Variants in SORCS2 observed in about 807,000 individuals in gnomAD.
SORCS2 encodes sortilin related VPS10 domain containing receptor 2, also known as VPS10 domain-containing receptor SorCS2.
Under a neutral mutation model 141.6 loss-of-function variants are expected in SORCS2, and 100 were observed. That is an observed-to-expected ratio of 0.71 (90% CI 0.60 to 0.83). The LOEUF is 0.83. SORCS2 is among the 40% of genes least tolerant of loss of function. SORCS2 has a pLI of 0.00. For missense variants in SORCS2, 1,646 were observed against 1,560.2 expected, an observed-to-expected ratio of 1.05 and a Z score of -0.93; for synonymous variants, 789 against 676.9, an observed-to-expected ratio of 1.17 and a Z score of -2.57.
At chr4:7,665,160 T>A (rs554976963) in intron 7 of SORCS2, among the ~76,000 whole-genome samples, 1 of 152,334 alleles carries the variant, frequency 6.6e-6, no homozygotes, top group African/African-American at 2.4e-5. Flanking sequence ...TGAGAGCAGC[T>A]GCTGGGTGCC....
intron 1 of SORCS2, among the ~76,000 whole-genome samples, chr4:7,226,483 C>G (rs1040594135): frequency 1.3e-5 from 2 of 152,040 alleles, no homozygotes; most frequent in African/African-American, 4.8e-5. Flanking sequence ...ACGTCTGTGA[C>G]GGCCGGGTGA....
rs531082620 is a variant in SORCS2 at position 7,208,495 on chromosome 4, G to A, written c.480+15369G>A. On this transcript the variant is annotated intron_variant, in intron 1 of 26. Coordinates refer to ENST00000507866, the MANE Select transcript of SORCS2 (RefSeq NM_020777.3). ...CCCCTGTGTGCCAGACTGTGTGCTA[G>A]GCACACTGGACAGACTAGTGAATGA... Among the ~76,000 whole-genome samples, 14 of 152,302 alleles carry A rather than the reference G, an allele frequency of 9.2e-5. No homozygotes were observed. The South Asian group carries it at 1.0e-3, about 11-fold the overall frequency.
intron 3 of SORCS2, among the ~76,000 whole-genome samples, chr4:7,627,528 A>T (rs1294109472): frequency 3.3e-5 from 5 of 152,200 alleles, no homozygotes; most frequent in Admixed American, 6.5e-5. Flanking sequence ...GGAACCATGA[A>T]TGCTGACAGA....
intron 1 of SORCS2, among the ~76,000 whole-genome samples, chr4:7,386,567 C>T (rs985254589): frequency 7.5e-6 from 1 of 133,954 alleles, no homozygotes; most frequent in Non-Finnish European, 1.6e-5. Flanking sequence ...CACGCACATG[C>T]ACACACATGC....
chr4:7,513,613 G>A (rs1313222855), intron 2 of SORCS2, among the ~76,000 whole-genome samples: 3 of 152,126 alleles, frequency 2.0e-5, no homozygotes, highest in East Asian at 1.9e-4. Flanking sequence ...TGGCCCTGAG[G>A]ACTCCCACGT....
chr4:7,676,176 G>T lies in SORCS2; in HGVS notation c.1288G>T (p.Asp430Tyr), dbSNP rs767783033. 1.9e-5 allele frequency: 30 copies of T among 1,556,084 alleles called. No homozygotes were observed. The highest frequency in any genetic ancestry group is 2.6e-5 in the Non-Finnish European group (30 of 1,149,608). ...CGTGCGCTACGCGCTGGTGCTGCAG[G>T]ACGTGCGCAGCTCACGGCAGGCGGA... ...RGVRYALVLQ[D>Y]VRSSRQAEES... Residue 430 changes from aspartate (D) to tyrosine (Y), a missense_variant, in exon 9 of 27, where the codon GAC becomes TAC. By Grantham distance (160) the Asp-to-Tyr change is radical (BLOSUM62 -3). Coordinates refer to ENST00000507866, the MANE Select transcript of SORCS2 (RefSeq NM_020777.3).
chr4:7,433,214 C>T, intron 2 of SORCS2: 2 of 1,233,936 alleles, frequency 1.6e-6, no homozygotes, highest in Non-Finnish European at 2.1e-6. Context: ...TTCCCAGCCT[C>T]CCTCCTCAGA....
intron 2 of SORCS2, among the ~76,000 whole-genome samples, chr4:7,455,086 G>T (rs1728797986): frequency 9.8e-6 from 1 of 102,546 alleles, no homozygotes. Flanking sequence ...GCTGTGTTGG[G>T]GTCAGGCACT....
intron 3 of SORCS2, among the ~76,000 whole-genome samples, chr4:7,585,672 C>T (rs73214691): frequency 0.013 from 2,050 of 152,296 alleles, 14 homozygotes; most frequent in Middle Eastern, 0.024. Flanking sequence ...TTGTTTTATG[C>T]GAATGGTTTC....
At chr4:7,474,495 G>T (rs1260561916) in intron 2 of SORCS2, among the ~76,000 whole-genome samples, 1 of 152,224 alleles carries the variant, frequency 6.6e-6, no homozygotes, top group Non-Finnish European at 1.5e-5. Flanking sequence ...GATGTCCGCA[G>T]CACGGTCCCT....
intron 2 of SORCS2, chr4:7,433,991 A>G (rs1727089262): frequency 1.9e-6 from 3 of 1,613,660 alleles, no homozygotes; most frequent in Non-Finnish European, 1.7e-6. Flanking sequence ...ACGTTCATGC[A>G]CACCTCACAG....
intron 2 of SORCS2, among the ~76,000 whole-genome samples, chr4:7,451,121 CGAATGAGTGAGTGAGGGAGTGAAA>C: frequency 6.6e-6 from 1 of 151,614 alleles, no homozygotes; most frequent in Admixed American, 6.6e-5. Context: ...AGTGAATGAA[CGAATGAGTGAGTGAGGGAGTGAAA>C]GAATGAGTGA....
At chr4:7,620,813 TG>T (rs34772784) in intron 3 of SORCS2, among the ~76,000 whole-genome samples, 4 of 152,104 alleles carry the variant, frequency 2.6e-5, no homozygotes, top group Non-Finnish European at 5.9e-5. Flanking sequence ...GGTCTCACGG[TG>T]GGGGGTCTCC....
chr4:7,199,522 C>T (rs1237013838), intron 1 of SORCS2, among the ~76,000 whole-genome samples: 1 of 152,014 alleles, frequency 6.6e-6, no homozygotes, highest in East Asian at 1.9e-4. Flanking sequence ...AGCAGGGGCT[C>T]CCTGAGCAGG....
At chr4:7,312,183 C>A (rs988714705) in intron 1 of SORCS2, among the ~76,000 whole-genome samples, 2 of 152,202 alleles carry the variant, frequency 1.3e-5, no homozygotes, top group African/African-American at 4.8e-5. Flanking sequence ...CCGTCTTTTT[C>A]ATTCTCTTAA....
Position 7,553,036 on chromosome 4 carries a change from T to C in SORCS2, c.648+21407T>C. Among the ~76,000 whole-genome samples, 3 of 152,104 alleles carry C rather than the reference T, an allele frequency of 2.0e-5. 1 individual carries two copies. Among genetic ancestry groups the C allele is most frequent in the Non-Finnish European group, 4.4e-5 (3 of 68,016 alleles). On this transcript the variant is annotated intron_variant, in intron 3 of 26. Transcript: ENST00000507866. ...TTCAACCATAGAACTAGAGGCCATT[T>C]TGGAAGCCTGAGAGCACAAAATGGA... is the stretch of plus-strand genomic sequence containing the variant.
intron 1 of SORCS2, among the ~76,000 whole-genome samples, chr4:7,344,822 C>T (rs969894863): frequency 2.6e-5 from 4 of 152,228 alleles, no homozygotes; most frequent in Admixed American, 2.6e-4. Context: ...TACTGACTCA[C>T]TGTTTATCCT....
intron 3 of SORCS2, among the ~76,000 whole-genome samples, chr4:7,631,084 G>C (rs901488430): frequency 6.2e-5 from 9 of 145,070 alleles, no homozygotes; most frequent in African/African-American, 2.3e-4. Context: ...AGAGTTGAGA[G>C]TTAGGATATG....
chr4:7,268,593 T>A (rs1377766892), intron 1 of SORCS2, among the ~76,000 whole-genome samples: 1 of 152,180 alleles, frequency 6.6e-6, no homozygotes, highest in Non-Finnish European at 1.5e-5. Context: ...CTGCTGGGTA[T>A]CAGGGGCCAT....
Sources: gnomAD v4.1 joint callset for allele counts (sites outside exome capture counted in the v4.1 genomes callset) on GRCh38, gnomAD v4.1.1 for gene constraint, MANE v1.5 for transcripts, NCBI Gene and HGNC (gene_info 2026-07-23, HGNC 2026-07-21) for gene names.